The following PDGFRA variants were observed in gnomAD, a reference collection of about 807,000 sequenced individuals.
The protein encoded by PDGFRA is platelet derived growth factor receptor alpha.
Under a neutral mutation model 121.5 loss-of-function variants are expected in PDGFRA, and 25 were observed. The ratio of observed to expected loss-of-function variants is 0.21; its 90% CI spans 0.15 to 0.29. The LOEUF is 0.29. Ranked by LOEUF, PDGFRA falls within the 10% of genes least tolerant of loss-of-function variation. PDGFRA has a pLI of 1.00. For missense variants in PDGFRA, 1,008 were observed against 1,345.1 expected (o/e 0.75, Z 3.92); for synonymous variants, 463 against 494.8 (o/e 0.94, Z 0.85).
chr4:54,280,760 T>TAA, intron 16 of PDGFRA: 2 of 208,726 alleles, frequency 9.6e-6, no homozygotes, highest in Non-Finnish European at 9.7e-6. Flanking sequence ...AAACATTTTT[T>TAA]AAAAAAAATA....
At chr4:54,293,033 G>A (rs1724708016) in intron 22 of PDGFRA, among the ~76,000 whole-genome samples, 1 of 151,934 alleles carries the variant, frequency 6.6e-6, no homozygotes. Flanking sequence ...TAAAATAAAA[G>A]TTAAAAAAAA....
chr4:54,282,111 A>T (rs1724110323), intron 16 of PDGFRA: 1 of 282,972 alleles, frequency 3.5e-6, no homozygotes, highest in Non-Finnish European at 5.6e-6. Context: ...GAAATTTAGG[A>T]GGTAAACAAA....
At chr4:54,246,568 T>C (rs1296661101) in intron 1 of PDGFRA, among the ~76,000 whole-genome samples, 4 of 152,134 alleles carry the variant, frequency 2.6e-5, no homozygotes, top group Non-Finnish European at 5.9e-5. Flanking sequence ...TTCAAAGCAG[T>C]GTGTAGAGGG....
chr4:54,246,781 G>T (rs1349699359), intron 1 of PDGFRA, among the ~76,000 whole-genome samples: 1 of 151,786 alleles, frequency 6.6e-6, no homozygotes, highest in African/African-American at 2.4e-5. Flanking sequence ...TCCAGGAGCT[G>T]GTTTTTTGAA....
At chr4:54,251,743 A>G (rs984818539) in intron 1 of PDGFRA, among the ~76,000 whole-genome samples, 1 of 152,204 alleles carries the variant, frequency 6.6e-6, no homozygotes, top group Non-Finnish European at 1.5e-5. Flanking sequence ...ATCAAGAAGA[A>G]AGGAATGCAC....
intron 16 of PDGFRA, chr4:54,281,529 G>A: frequency 8.0e-7 from 1 of 1,243,324 alleles, no homozygotes; most frequent in Non-Finnish European, 1.1e-6. Flanking sequence ...ATCGGAACCA[G>A]TACTTCCTCT....
Position 54,274,296 on chromosome 4 carries a change from A to G in PDGFRA, c.1559-235A>G, listed in dbSNP as rs543341990. On this transcript the variant is annotated intron_variant, in intron 10 of 22. Coordinates refer to ENST00000257290, the MANE Select transcript of PDGFRA (RefSeq NM_006206.6). ...TGGAGCAACTTTGGAGAAAATACTG[A>G]GTTCTCCTGATTGAATTTTGTCCCC... Among the ~76,000 whole-genome samples, 13 of 152,310 alleles carry G rather than the reference A, an allele frequency of 8.5e-5. No individual in the cohort carries two copies. The South Asian group carries it at 1.7e-3, about 19-fold the overall frequency.
At chr4:54,292,328 C>A (rs747559311) in intron 22 of PDGFRA, among the ~76,000 whole-genome samples, 2 of 152,156 alleles carry the variant, frequency 1.3e-5, no homozygotes, top group African/African-American at 4.8e-5. Context: ...CCATGGAATA[C>A]GATGCAGCCG....
At chr4:54,294,611 G>A (rs777933292) in intron 22 of PDGFRA, among the ~76,000 whole-genome samples, 9 of 151,962 alleles carry the variant, frequency 5.9e-5, no homozygotes, top group African/African-American at 1.2e-4. Flanking sequence ...GTAAGGAGCC[G>A]TCACCTGGGC....
At chr4:54,250,728 C>T (rs1375189735) in intron 1 of PDGFRA, among the ~76,000 whole-genome samples, 1 of 152,084 alleles carries the variant, frequency 6.6e-6, no homozygotes, top group Admixed American at 6.6e-5. Flanking sequence ...AGCTATAGGA[C>T]TCTGATGGGT....
intron 16 of PDGFRA, among the ~76,000 whole-genome samples, chr4:54,280,943 T>G (rs758992740): frequency 1.3e-5 from 2 of 152,214 alleles, no homozygotes; most frequent in Middle Eastern, 3.2e-3. Context: ...AAGTCTCTGA[T>G]GTCTATGAGT....
chr4:54,232,137 G>C (rs958274993), intron 1 of PDGFRA, among the ~76,000 whole-genome samples: 2 of 152,254 alleles, frequency 1.3e-5, no homozygotes, highest in Non-Finnish European at 2.9e-5. Context: ...GACAATTCTA[G>C]GAAAAGAGCT....
intron 16 of PDGFRA, among the ~76,000 whole-genome samples, chr4:54,283,796 T>A (rs1724184131): frequency 2.0e-5 from 3 of 152,158 alleles, no homozygotes; most frequent in Admixed American, 2.0e-4. Context: ...AGAGATGGGG[T>A]CTCACTATGT....
At position 54,280,375 on chromosome 4, in the gene PDGFRA, C is replaced by T. The variant is rs1175465507; in HGVS notation, c.2216C>T (p.Thr739Ile). 6.2e-7 allele frequency: 1 copy of T among 1,612,298 alleles called. No homozygotes were observed. The highest frequency in any genetic ancestry group is 2.2e-5 in the East Asian group (1 of 44,870). ...GDYMDMKQADTTQYVPMLERK... is the reference protein window; with the variant it reads ...GDYMDMKQADITQYVPMLERK... ...TACATGGACATGAAGCAGGCTGATA[C>T]TACACAGTATGTCCCCATGCTAGAA... Residue 739 changes from threonine to isoleucine, a missense_variant, in exon 16 of 23, where the codon ACT becomes ATT. Around this residue, in one of 5 missense-constraint regions of PDGFRA, gnomAD observed 128 missense variants for 147.6 expected, o/e 0.87. Transcript: ENST00000257290.
At position 54,244,257 on chromosome 4, in the gene PDGFRA, T is replaced by A. The variant is rs113322359; in HGVS notation, c.-12-14500T>A. Among the ~76,000 whole-genome samples the A allele has an allele frequency of 1.5e-4, 23 of 152,340 alleles. 1 individual carries two copies. The highest frequency in any genetic ancestry group is 5.5e-4 in the African/African-American group (23 of 41,588). ...GCTGGAGATCTGAGAACGGGCAGAC[T>A]GCCTCCTCAAGTGGGTCCCTGACCC... is the stretch of plus-strand genomic sequence containing the variant. On this transcript the variant is annotated intron_variant, in intron 1 of 22. Coordinates refer to ENST00000257290, the MANE Select transcript of PDGFRA (RefSeq NM_006206.6).
intron 8 of PDGFRA, 63 bp from the exon 9 acceptor site, chr4:54,272,331 T>C (rs970499245): frequency 5.7e-6 from 9 of 1,581,514 alleles, no homozygotes; most frequent in African/African-American, 2.7e-5. Context: ...ATATTCCACT[T>C]TGTAGTCTCA....
chr4:54,292,777 AC>A, intron 22 of PDGFRA, among the ~76,000 whole-genome samples: 1 of 152,276 alleles, frequency 6.6e-6, no homozygotes, highest in Admixed American at 6.5e-5. Context: ...TAATACGGGA[AC>A]AGAAGACCAG....
chr4:54,258,267 A>G (rs1184402651), intron 1 of PDGFRA, among the ~76,000 whole-genome samples: 2 of 152,158 alleles, frequency 1.3e-5, no homozygotes, highest in African/African-American at 4.8e-5. Flanking sequence ...GTGCCTCAGT[A>G]TCACAAAGGC....
chr4:54,289,067 C>T lies in PDGFRA; in HGVS notation c.2833C>T (p.His945Tyr). Reference protein sequence around the residue: ...SEPEKRPSFYHLSEIVENLLP... With the variant: ...SEPEKRPSFYYLSEIVENLLP... The stretch of plus-strand genomic sequence containing the variant: ...GCCGGAGAAGAGACCCTCCTTTTAC[C>T]ACCTGAGTGAGATTGTGGAGAATCT... Residue 945 changes from histidine to tyrosine, a missense_variant, in exon 21 of 23, where the codon CAC (histidine) becomes TAC (tyrosine). Physicochemically the swap from His to Tyr is moderately conservative, Grantham distance 83. Coordinates refer to ENST00000257290, the MANE Select transcript of PDGFRA (RefSeq NM_006206.6). 1.9e-6 allele frequency: 3 copies of T among 1,610,568 alleles called. No individual in the cohort carries two copies. The highest frequency in any genetic ancestry group is 1.3e-5 in the African/African-American group (1 of 74,898).
Sources: gnomAD v4.1 joint callset for allele counts (sites outside exome capture counted in the v4.1 genomes callset) on GRCh38, gnomAD v4.1.1 for gene constraint, gnomAD v4.1.1 regional missense constraint, MANE v1.5 for transcripts, NCBI Gene and HGNC (gene_info 2026-07-23, HGNC 2026-07-21) for gene names.